MECOM: variants seen among roughly 807,000 people sequenced by gnomAD.
The protein encoded by MECOM is MDS1 and EVI1 complex locus.
Under a neutral mutation model 116.3 loss-of-function variants are expected in MECOM, and 13 were observed. The observed-to-expected ratio is 0.11, with a 90% CI of 0.07 to 0.18. The LOEUF (loss-of-function observed/expected upper bound fraction) is 0.18. MECOM is among the 10% of genes least tolerant of loss of function. MECOM has a pLI of 1.00. For synonymous variants in MECOM, 528 were observed against 535.2 expected (o/e 0.99, Z 0.19); for missense variants, 1,299 against 1,509.0 (o/e 0.86, Z 2.31).
rs376381175 is a variant in MECOM at position 169,332,441 on chromosome 3, G to A, written c.375+48746C>T. ...CAGGCCAATGTAAATGAGCCAGAAC[G>A]AGAGTCAGAGCCAGAATATTTGTTG... is the stretch of plus-strand genomic sequence containing the variant. On this transcript the variant is annotated intron_variant, in intron 2 of 16. Transcript: ENST00000651503. Among the ~76,000 whole-genome samples the A allele has an allele frequency of 3.9e-5, 6 of 152,140 alleles. No individual in the cohort carries two copies. In the East Asian group the frequency reaches 5.8e-4, roughly 15 times the overall value.
intron 2 of MECOM, among the ~76,000 whole-genome samples, chr3:169,369,686 T>C (rs1175256136): frequency 6.6e-6 from 1 of 151,940 alleles, no homozygotes; most frequent in Non-Finnish European, 1.5e-5. Context: ...AGAGAATCTG[T>C]AATATTTCCT....
At chr3:169,353,377 C>G (rs561853657) in intron 2 of MECOM, among the ~76,000 whole-genome samples, 1 of 151,936 alleles carries the variant, frequency 6.6e-6, no homozygotes, top group African/African-American at 2.4e-5. Flanking sequence ...TTATTAATAA[C>G]AATTAAAATG....
intron 2 of MECOM, among the ~76,000 whole-genome samples, chr3:169,349,801 A>G (rs1164825809): frequency 6.6e-6 from 1 of 151,956 alleles, no homozygotes; most frequent in Non-Finnish European, 1.5e-5. Flanking sequence ...TGGGCCAATG[A>G]ATATGAGACA....
chr3:169,462,614 T>G (rs1350246593), intron 1 of MECOM, among the ~76,000 whole-genome samples: 1 of 152,194 alleles, frequency 6.6e-6, no homozygotes, highest in Non-Finnish European at 1.5e-5. Flanking sequence ...GACTTGAAAT[T>G]TTTATGCTGT....
chr3:169,625,427 G>A (rs1056614568), intron 1 of MECOM, among the ~76,000 whole-genome samples: 5 of 152,000 alleles, frequency 3.3e-5, no homozygotes, highest in Non-Finnish European at 7.4e-5. Context: ...CTTAAGCATT[G>A]CCTATTAGTA....
At chr3:169,475,622 T>C (rs1750240338) in intron 1 of MECOM, among the ~76,000 whole-genome samples, 2 of 151,092 alleles carry the variant, frequency 1.3e-5, no homozygotes, top group Middle Eastern at 6.8e-3. Flanking sequence ...TTAAATCGGG[T>C]AGAAAAGAAA....
At chr3:169,428,319 T>G (rs570014371) in intron 1 of MECOM, among the ~76,000 whole-genome samples, 7 of 152,278 alleles carry the variant, frequency 4.6e-5, no homozygotes, top group Admixed American at 4.6e-4. Flanking sequence ...GGGTTGGTTT[T>G]GGGATGAAAC....
intron 1 of MECOM, among the ~76,000 whole-genome samples, chr3:169,417,964 G>T (rs1302396335): frequency 6.6e-6 from 1 of 150,978 alleles, no homozygotes; most frequent in Non-Finnish European, 1.5e-5. Flanking sequence ...TTGTGGGGTT[G>T]GGGGAGCGGG....
intron 1 of MECOM, among the ~76,000 whole-genome samples, chr3:169,600,452 A>G (rs942184514): frequency 6.6e-6 from 1 of 152,246 alleles, no homozygotes; most frequent in African/African-American, 2.4e-5. Context: ...CACTATATCT[A>G]CAAATAATTC....
At chr3:169,127,737 C>T in intron 5 of MECOM, 107 bp downstream of exon 5, 2 of 838,510 alleles carry the variant, frequency 2.4e-6, no homozygotes, top group South Asian at 1.5e-5. Flanking sequence ...GTGCATTTGT[C>T]CAGCTCACTG....
chr3:169,186,378 A>AAGGGAGGG (rs1180332102), intron 2 of MECOM, among the ~76,000 whole-genome samples: 2 of 39,730 alleles, frequency 5.0e-5, no homozygotes, highest in Non-Finnish European at 9.8e-5. Context: ...GGAAGGAAGG[A>AAGGGAGGG]AGGGAGGGAG....
chr3:169,491,690 ACGT>A (rs1258306116), intron 1 of MECOM, among the ~76,000 whole-genome samples: 3 of 152,210 alleles, frequency 2.0e-5, no homozygotes, highest in Non-Finnish European at 4.4e-5. Context: ...AACCAGAGCC[ACGT>A]ACCAACAAAA....
chr3:169,441,888 G>T (rs747762434), intron 1 of MECOM, among the ~76,000 whole-genome samples: 1 of 145,448 alleles, frequency 6.9e-6, no homozygotes, highest in Non-Finnish European at 1.5e-5. Flanking sequence ...CCACCACCAC[G>T]CCTGGCTAAT....
At chr3:169,102,029 G>C in intron 11 of MECOM, 31 bp downstream of exon 11, 1 of 1,570,782 alleles carries the variant, frequency 6.4e-7, no homozygotes, top group Non-Finnish European at 8.7e-7. Context: ...GAGATTTCTG[G>C]AAAGTCAGCC....
At chr3:169,555,965 A>G (rs1340779875) in intron 1 of MECOM, among the ~76,000 whole-genome samples, 1 of 152,184 alleles carries the variant, frequency 6.6e-6, no homozygotes, top group Admixed American at 6.5e-5. Context: ...AGTGGTCTAA[A>G]CCTTATGTAC....
chr3:169,219,379 C>T (rs1216282736), intron 2 of MECOM, among the ~76,000 whole-genome samples: 1 of 152,178 alleles, frequency 6.6e-6, no homozygotes, highest in African/African-American at 2.4e-5. Flanking sequence ...TGGTGGTGGG[C>T]GCCTGTAGTC....
At chr3:169,107,696 C>T (rs1485112358) in intron 10 of MECOM, among the ~76,000 whole-genome samples, 5 of 152,154 alleles carry the variant, frequency 3.3e-5, no homozygotes, top group Non-Finnish European at 7.4e-5. Context: ...ATGTGGAATG[C>T]ATCAGATTTA....
intron 2 of MECOM, among the ~76,000 whole-genome samples, chr3:169,183,905 C>T (rs1358910230): frequency 6.6e-5 from 10 of 151,210 alleles, no homozygotes; most frequent in Admixed American, 2.6e-4. Flanking sequence ...CCCTCTGTTG[C>T]CCAGGCTGGA....
chr3:169,307,274 GC>G (rs1386416831), intron 2 of MECOM, among the ~76,000 whole-genome samples: 5 of 151,974 alleles, frequency 3.3e-5, no homozygotes, highest in African/African-American at 1.2e-4. Flanking sequence ...CCCTAGAATT[GC>G]CCCCTTCAAT....
Sources: allele counts gnomAD v4.1 joint callset (sites outside exome capture counted in the v4.1 genomes callset), GRCh38; gene constraint gnomAD v4.1.1; transcripts MANE v1.5; gene names NCBI Gene and HGNC (gene_info 2026-07-23, HGNC 2026-07-21).